The following CMIP variants were observed in gnomAD, a reference collection of about 807,000 sequenced individuals.
CMIP encodes the protein C-Maf-inducing protein.
CMIP carries 13 observed loss-of-function variants against 97.3 expected under a neutral mutation model. The observed-to-expected ratio is 0.13, with a 90% CI of 0.09 to 0.21. The LOEUF (loss-of-function observed/expected upper bound fraction) is 0.21. Ranked by LOEUF, CMIP falls within the 10% of genes least tolerant of loss-of-function variation. The pLI is 1.00. For synonymous variants in CMIP, 538 were observed against 436.3 expected, an observed-to-expected ratio of 1.23 and a Z score of -2.91; for missense variants, 847 against 1,024.9, an observed-to-expected ratio of 0.83 and a Z score of 2.37.
intron 1 of CMIP, among the ~76,000 whole-genome samples, chr16:81,481,412 A>G (rs930933319): frequency 6.6e-6 from 1 of 152,246 alleles, no homozygotes; most frequent in Non-Finnish European, 1.5e-5. Flanking sequence ...AAGCTTTCCC[A>G]ACGTTACACA....
At chr16:81,565,540 C>T (rs747998875) in intron 1 of CMIP, among the ~76,000 whole-genome samples, 33 of 152,208 alleles carry the variant, frequency 2.2e-4, no homozygotes, top group Non-Finnish European at 4.4e-4. Context: ...TCTTCACATC[C>T]CCCAGAAGGA....
Position 81,693,311 on chromosome 16 carries a change from G to A in CMIP, c.1481+127G>A, listed in dbSNP as rs542005568. On this transcript the variant is annotated intron_variant, in intron 12 of 20. Transcript: ENST00000537098. ...CCTCTTGGCAGTTCTCTTGAGACAC[G>A]TGTCCCTGATCCACCGCCTTGCCCA... 88 of 1,407,596 alleles carry A rather than the reference G, an allele frequency of 6.3e-5. No individual in the cohort carries two copies. The East Asian group carries it at 2.0e-3, about 32-fold the overall frequency. The allele number at this position is 1,407,596 out of a possible 1,614,324, so 87.2% of individuals were successfully genotyped here. A position where few individuals can be genotyped will look rare whatever the true frequency, so the allele number is the denominator to read the frequency against.
At chr16:81,446,193 C>T (rs1337006550) in intron 1 of CMIP, among the ~76,000 whole-genome samples, 1 of 151,870 alleles carries the variant, frequency 6.6e-6, no homozygotes, top group Non-Finnish European at 1.5e-5. Context: ...CAGCGGTGGT[C>T]GAGTTCTAGC....
chr16:81,650,586 T>G (rs2092416596), intron 3 of CMIP, among the ~76,000 whole-genome samples: 1 of 151,820 alleles, frequency 6.6e-6, no homozygotes, highest in Non-Finnish European at 1.5e-5. Context: ...TGCGGGAAAA[T>G]AATGGAGAGG....
intron 7 of CMIP, among the ~76,000 whole-genome samples, chr16:81,669,711 C>T (rs911182472): frequency 1.8e-5 from 2 of 112,280 alleles, no homozygotes; most frequent in Non-Finnish European, 3.7e-5. Context: ...CACCTCCTCC[C>T]ATACCCACCT....
intron 13 of CMIP, among the ~76,000 whole-genome samples, chr16:81,695,269 A>G (rs754755723): frequency 6.6e-6 from 1 of 151,930 alleles, no homozygotes; most frequent in Non-Finnish European, 1.5e-5. Context: ...CTTCCCTTCT[A>G]CCTTCTCCTT....
chr16:81,502,199 G>C (rs186759521), intron 1 of CMIP, among the ~76,000 whole-genome samples: 1 of 152,196 alleles, frequency 6.6e-6, no homozygotes, highest in African/African-American at 2.4e-5. Context: ...GTCTGGACCC[G>C]GGACCTGGGC....
chr16:81,533,122 C>T lies in CMIP; in HGVS notation c.301-74445C>T, dbSNP rs116973616. ...CTCCCACAATTTTTTATTTCTCGTT[C>T]CCTGACTTACGTTTTTTTCTCCTGA... is the stretch of plus-strand genomic sequence containing the variant. On this transcript the variant is annotated intron_variant, in intron 1 of 20. Coordinates refer to ENST00000537098, the MANE Select transcript of CMIP (RefSeq NM_198390.3). Among the ~76,000 whole-genome samples, 1,435 of 152,316 alleles carry T rather than the reference C, an allele frequency of 9.4e-3. 13 individuals are homozygous for T. Among genetic ancestry groups the T allele is most frequent in the Middle Eastern group, 0.027 (8 of 294 alleles).
At chr16:81,478,047 A>G (rs1908035647) in intron 1 of CMIP, among the ~76,000 whole-genome samples, 1 of 152,318 alleles carries the variant, frequency 6.6e-6, no homozygotes, top group Admixed American at 6.5e-5. Flanking sequence ...TTTATTATTG[A>G]GAAGGGAGAG....
intron 3 of CMIP, among the ~76,000 whole-genome samples, chr16:81,640,121 G>A (rs1308256978): frequency 6.6e-6 from 1 of 152,132 alleles, no homozygotes; most frequent in Non-Finnish European, 1.5e-5. Flanking sequence ...GGGTCCCCAG[G>A]TGGCTCCCTC....
At position 81,453,246 on chromosome 16, in the gene CMIP, C is replaced by T. The variant is rs906018964; in HGVS notation, c.300+7705C>T. 2.0e-5 allele frequency among the ~76,000 whole-genome samples: 3 copies of T among 152,172 alleles called. No individual in the cohort carries two copies. Among genetic ancestry groups the T allele is most frequent in the Non-Finnish European group, 2.9e-5 (2 of 68,036 alleles). ...GTCAGAAATGGTAGGGTGGACGGAG[C>T]GACTAAACTGATTGTGCTGGGCGAA... On this transcript the variant is annotated intron_variant, in intron 1 of 20. Coordinates refer to ENST00000537098, the MANE Select transcript of CMIP (RefSeq NM_198390.3). The surrounding 1 kb of genome is among the most constrained non-coding windows in gnomAD (Gnocchi z 4.0).
chr16:81,535,401 G>A (rs1303075747), intron 1 of CMIP, among the ~76,000 whole-genome samples: 2 of 151,316 alleles, frequency 1.3e-5, no homozygotes, highest in Admixed American at 1.3e-4. Flanking sequence ...CTCGTGGGCT[G>A]TGTCTCATGA....
Position 81,603,621 on chromosome 16 carries a change from C to T in CMIP, c.301-3946C>T, listed in dbSNP as rs117114698. 3.3e-5 allele frequency among the ~76,000 whole-genome samples: 5 copies of T among 152,292 alleles called. No homozygotes were observed. The East Asian group carries it at 9.6e-4, about 29-fold the overall frequency. ...ATGTCCTTTTTCTGTCCCGGGATCCCATCCAGGATCCCCACAGTACCTGTA... is the reference window on the plus strand; with the variant it reads ...ATGTCCTTTTTCTGTCCCGGGATCCTATCCAGGATCCCCACAGTACCTGTA... On this transcript the variant is annotated intron_variant, in intron 1 of 20. Transcript: ENST00000537098.
At chr16:81,517,022 G>C (rs2089928421) in intron 1 of CMIP, among the ~76,000 whole-genome samples, 1 of 150,804 alleles carries the variant, frequency 6.6e-6, no homozygotes, top group Non-Finnish European at 1.5e-5. Flanking sequence ...CGGCCTCCAA[G>C]GTCATCAGTG....
In CMIP at chr16:81,477,436, C is replaced by A. The variant is rs143033457; in HGVS notation, c.300+31895C>A. On this transcript the variant is annotated intron_variant, in intron 1 of 20. Coordinates refer to ENST00000537098, the MANE Select transcript of CMIP (RefSeq NM_198390.3). ...TTGGCCTCCCAAAGTGCTGGGATTACAGGCGTGAGCCACCGCACCTAGCCT... is the reference window on the plus strand; with the variant it reads ...TTGGCCTCCCAAAGTGCTGGGATTAAAGGCGTGAGCCACCGCACCTAGCCT... Among the ~76,000 whole-genome samples, 632 of 152,330 alleles carry A rather than the reference C, an allele frequency of 4.1e-3. 3 individuals are homozygous for A. Among genetic ancestry groups the A allele is most frequent in the African/African-American group, 0.015 (605 of 41,578 alleles).
intron 1 of CMIP, among the ~76,000 whole-genome samples, chr16:81,471,967 C>T (rs1396654083): frequency 6.6e-6 from 1 of 152,204 alleles, no homozygotes; most frequent in Non-Finnish European, 1.5e-5. Flanking sequence ...GACTATGGGT[C>T]ACTGACACTG....
At chr16:81,701,920 C>A in intron 16 of CMIP, 120 bp downstream of exon 16, 3 of 1,264,576 alleles carry the variant, frequency 2.4e-6, no homozygotes, top group Non-Finnish European at 3.3e-6. Context: ...AATTCTCCTC[C>A]AAACCCCAGA....
intron 3 of CMIP, among the ~76,000 whole-genome samples, chr16:81,644,472 C>T (rs755755079): frequency 2.5e-4 from 38 of 152,084 alleles, no homozygotes; most frequent in Non-Finnish European, 5.0e-4. Flanking sequence ...GACTTGGCGG[C>T]CAAAAGGGCA....
rs1029913258 is a variant in CMIP, at chr16:81,657,717, G to A, written c.640-58G>A. The A allele has an allele frequency of 4.1e-5, 58 of 1,400,854 alleles. 1 individual carries two copies. In the South Asian group the frequency reaches 6.3e-4, roughly 15 times the overall value. The allele number at this position is 1,400,854 out of a possible 1,614,324, so 86.8% of individuals were successfully genotyped here. ...TGTGGATCTTGAAATCCAAATGCTC[G>A]TTTTCTTAATTTTCTTTTGTTTTGT... On this transcript the variant is annotated intron_variant, in intron 4 of 20. Transcript: ENST00000537098.
Sources: allele counts gnomAD v4.1 joint callset (sites outside exome capture counted in the v4.1 genomes callset), GRCh38; gene constraint gnomAD v4.1.1; non-coding constraint Gnocchi (gnomAD v3.1); transcripts MANE v1.5; gene names NCBI Gene and HGNC (gene_info 2026-07-23, HGNC 2026-07-21).